AFF3: variants seen among roughly 807,000 people sequenced by gnomAD.
AFF3 encodes ALF transcription elongation factor 3.
Under a neutral mutation model 129.7 loss-of-function variants are expected in AFF3, and 32 were observed. The ratio of observed to expected loss-of-function variants is 0.25; its 90% confidence interval spans 0.19 to 0.33. The LOEUF is 0.33. Ranked by LOEUF, AFF3 falls within the 10% of genes least tolerant of loss-of-function variation. The pLI is 1.00. For missense variants in AFF3, 1,373 were observed against 1,592.0 expected (o/e 0.86, Z 2.34); for synonymous variants, 644 against 635.4 (o/e 1.01, Z -0.20).
intron 7 of AFF3, among the ~76,000 whole-genome samples, chr2:99,853,470 G>A (rs557677369): frequency 6.6e-6 from 1 of 152,246 alleles, no homozygotes; most frequent in African/African-American, 2.4e-5. Context: ...ATAAATTGTT[G>A]AACACATCTT....
At chr2:99,810,893 C>A (rs114209983) in intron 8 of AFF3, among the ~76,000 whole-genome samples, 1 of 152,140 alleles carries the variant, frequency 6.6e-6, no homozygotes, top group Admixed American at 6.5e-5. Flanking sequence ...TCAAAGCCAG[C>A]GACACTGGAC....
chr2:99,892,402 G>T (rs1693637625), intron 7 of AFF3, among the ~76,000 whole-genome samples: 1 of 152,020 alleles, frequency 6.6e-6, no homozygotes, highest in African/African-American at 2.4e-5. Context: ...TAAATTAAAT[G>T]AATTACTCAT....
At chr2:99,782,949 T>C (rs1164836443) in intron 8 of AFF3, among the ~76,000 whole-genome samples, 1 of 152,240 alleles carries the variant, frequency 6.6e-6, no homozygotes, top group Admixed American at 6.5e-5. Flanking sequence ...AAGTCTGTCT[T>C]TCCTTGCTGT....
At chr2:99,673,584 T>G (rs1687354782) in intron 11 of AFF3, among the ~76,000 whole-genome samples, 1 of 152,224 alleles carries the variant, frequency 6.6e-6, no homozygotes, top group Non-Finnish European at 1.5e-5. Context: ...AGAGACGCTC[T>G]GAGGGAGCAG....
chr2:100,131,670 G>T (rs576375240), intron 1 of AFF3, among the ~76,000 whole-genome samples: 13 of 152,218 alleles, frequency 8.5e-5, no homozygotes, highest in African/African-American at 2.6e-4. Flanking sequence ...ATGTTGGGTA[G>T]GCTGGTCTTG....
chr2:100,119,834 C>T (rs1207430844), intron 2 of AFF3, among the ~76,000 whole-genome samples: 3 of 152,332 alleles, frequency 2.0e-5, no homozygotes, highest in Admixed American at 6.5e-5. Context: ...AAACACAGAC[C>T]TTCAGTGCAT....
intron 3 of AFF3, 160 bp downstream of exon 3, chr2:100,105,344 T>G: frequency 8.1e-7 from 1 of 1,233,254 alleles, no homozygotes; most frequent in Non-Finnish European, 1.0e-6. Context: ...CCGTTTAAGG[T>G]CTCTGGAGCC....
chr2:99,989,863 T>C (rs1373569621), intron 7 of AFF3, among the ~76,000 whole-genome samples: 2 of 152,194 alleles, frequency 1.3e-5, no homozygotes, highest in Non-Finnish European at 2.9e-5. Flanking sequence ...GTAAGATCAT[T>C]ATCAGGTATT....
intron 13 of AFF3, among the ~76,000 whole-genome samples, chr2:99,636,751 GA>G (rs1387166364): frequency 6.6e-6 from 1 of 152,184 alleles, no homozygotes; most frequent in Non-Finnish European, 1.5e-5. Flanking sequence ...GCCAGCACAG[GA>G]AAGGGAGTTG....
chr2:99,936,343 C>G (rs1365705251), intron 7 of AFF3, among the ~76,000 whole-genome samples: 1 of 152,102 alleles, frequency 6.6e-6, no homozygotes, highest in African/African-American at 2.4e-5. Context: ...GCTTCGTGTG[C>G]TGAGTATCAG....
At chr2:100,128,739 T>C (rs1320046497) in intron 2 of AFF3, among the ~76,000 whole-genome samples, 1 of 152,120 alleles carries the variant, frequency 6.6e-6, no homozygotes, top group African/African-American at 2.4e-5. Flanking sequence ...TAAAGGACTT[T>C]CAAGTAATTA....
At chr2:100,129,382 C>G (rs935482603) in intron 1 of AFF3, 76 bp from the exon 2 acceptor site, 3 of 145,394 alleles carry the variant, frequency 2.1e-5, no homozygotes, top group African/African-American at 7.6e-5. Flanking sequence ...TCCTATAACT[C>G]TGTGTGTGTG....
chr2:99,789,762 T>C (rs1685067191), intron 8 of AFF3, among the ~76,000 whole-genome samples: 1 of 152,212 alleles, frequency 6.6e-6, no homozygotes, highest in Non-Finnish European at 1.5e-5. Flanking sequence ...CATGGGAAGT[T>C]ACAGACCTAA....
At chr2:99,803,759 G>T (rs547123028) in intron 8 of AFF3, among the ~76,000 whole-genome samples, 1 of 152,234 alleles carries the variant, frequency 6.6e-6, no homozygotes, top group South Asian at 2.1e-4. Context: ...GCAGAATAAA[G>T]AACCCAGAAA....
At chr2:99,802,010 A>T (rs2105511818) in intron 8 of AFF3, among the ~76,000 whole-genome samples, 1 of 152,344 alleles carries the variant, frequency 6.6e-6, no homozygotes, top group East Asian at 1.9e-4. Flanking sequence ...CTGTAATCGG[A>T]TTTAACTGTA....
chr2:99,582,809 C>T lies in AFF3; in HGVS notation c.2782G>A (p.Gly928Arg), dbSNP rs149407036. The change falls in exon 17 of 25, where the codon GGA (glycine) becomes AGA (arginine). Residue 928 changes from glycine to arginine, a missense_variant. By Grantham distance (125) the Gly-to-Arg change is moderately radical. Transcript: ENST00000672756. ...KADSQLQPHG[G>R]DLTKAAHNNS... Reference sequence around the variant, plus strand: ...GAGCATCAACAAACCGTGAGGTCTCCGCCGTGAGGCTGCAGCTGGCTGTCG... The same window carrying T: ...GAGCATCAACAAACCGTGAGGTCTCTGCCGTGAGGCTGCAGCTGGCTGTCG... 3.2e-5 allele frequency: 52 copies of T among 1,613,930 alleles called. No individual in the cohort carries two copies. Among genetic ancestry groups the T allele is most frequent in the Non-Finnish European group, 3.9e-5 (46 of 1,180,004 alleles).
chr2:99,890,643 C>T (rs1693478977), intron 7 of AFF3, among the ~76,000 whole-genome samples: 1 of 152,172 alleles, frequency 6.6e-6, no homozygotes, highest in Admixed American at 6.5e-5. Context: ...TCACAGGCTG[C>T]ACACTAACTA....
chr2:99,989,781 G>T (rs10181027), intron 7 of AFF3, among the ~76,000 whole-genome samples: 6,856 of 152,198 alleles, frequency 0.045, 509 homozygotes, highest in African/African-American at 0.15. Context: ...TTCAAAATAT[G>T]ATATTCTCTT....
At chr2:99,665,811 C>T (rs936311474) in intron 12 of AFF3, among the ~76,000 whole-genome samples, 2 of 152,092 alleles carry the variant, frequency 1.3e-5, no homozygotes, top group African/African-American at 4.8e-5. Flanking sequence ...GAAGAGAAGC[C>T]AGAGGGGCAG....
Sources: allele counts gnomAD v4.1 joint callset (sites outside exome capture counted in the v4.1 genomes callset), GRCh38; gene constraint gnomAD v4.1.1; transcripts MANE v1.5; gene names NCBI Gene and HGNC (gene_info 2026-07-23, HGNC 2026-07-21).